RALGPS1: variants seen among roughly 807,000 people sequenced by gnomAD.
RALGPS1 encodes the protein Ral GEF with PH domain and SH3 binding motif 1.
RALGPS1 carries 19 observed loss-of-function variants against 78.8 expected under a neutral mutation model. That is an observed-to-expected ratio of 0.24 (90% CI 0.17 to 0.35). RALGPS1 has a LOEUF of 0.35. RALGPS1 is among the 10% of genes least tolerant of loss of function. The probability of loss-of-function intolerance (pLI) is 1.00; values close to 1 mark genes in which losing one functional copy is unlikely to be tolerated. For missense variants in RALGPS1, 454 were observed against 688.3 expected (o/e 0.66, Z 3.81); for synonymous variants, 228 against 256.3 (o/e 0.89, Z 1.06).
intron 8 of RALGPS1, among the ~76,000 whole-genome samples, chr9:127,149,001 C>T (rs1201914243): frequency 6.6e-6 from 1 of 152,178 alleles, no homozygotes; most frequent in Non-Finnish European, 1.5e-5. Flanking sequence ...TCATATACAC[C>T]TCATTCTGTC....
At chr9:127,016,195 C>G (rs1398468267) in intron 4 of RALGPS1, among the ~76,000 whole-genome samples, 1 of 152,188 alleles carries the variant, frequency 6.6e-6, no homozygotes, top group Non-Finnish European at 1.5e-5. Flanking sequence ...TAGAAGCCCC[C>G]ACCCCTTCCT....
At chr9:126,948,570 A>T (rs531631561) in intron 1 of RALGPS1, among the ~76,000 whole-genome samples, 1 of 146,670 alleles carries the variant, frequency 6.8e-6, no homozygotes, top group Non-Finnish European at 1.5e-5. Context: ...CTCATCCTTG[A>T]AAAGGTTAGG....
At chr9:127,118,627 A>G (rs930253209) in intron 8 of RALGPS1, among the ~76,000 whole-genome samples, 2 of 152,130 alleles carry the variant, frequency 1.3e-5, no homozygotes, top group African/African-American at 4.8e-5. Flanking sequence ...CGGGGACAGC[A>G]CCACCCACCT....
At position 127,220,836 on chromosome 9, in the gene RALGPS1, A is replaced by G. The variant is rs562175580; in HGVS notation, c.*2067A>G. The stretch of plus-strand genomic sequence containing the variant: ...CACCAATGAAGTATTATAGATGCCA[A>G]TCCAAAACCTCAGAATTTCAGGCAC... On this transcript the variant is annotated 3_prime_UTR_variant, in exon 19 of 19. Transcript: ENST00000259351. 4.6e-5 allele frequency: 7 copies of G among 152,698 alleles called. No individual in the cohort carries two copies. The highest frequency in any genetic ancestry group is 9.6e-5 in the African/African-American group (4 of 41,584). The allele number at this position is 152,698 out of a possible 1,614,324, so 9.5% of individuals were successfully genotyped here.
chr9:127,054,075 T>A (rs1193002120), intron 7 of RALGPS1, among the ~76,000 whole-genome samples: 3 of 152,180 alleles, frequency 2.0e-5, no homozygotes, highest in Non-Finnish European at 1.5e-5. Context: ...GCAGGCAGTT[T>A]GGGCACTATT....
chr9:127,069,711 G>A (rs2050026703), intron 8 of RALGPS1: 1 of 168,530 alleles, frequency 5.9e-6, no homozygotes, highest in Non-Finnish European at 1.3e-5. Context: ...CTGGTTCTCT[G>A]GGCATTATTA....
intron 2 of RALGPS1, 133 bp downstream of exon 2, chr9:126,962,479 CT>C (rs1201405937): frequency 5.7e-6 from 5 of 876,920 alleles, no homozygotes; most frequent in Non-Finnish European, 9.0e-6. Context: ...CCTAAGGCCC[CT>C]GGCCATGCCA....
At chr9:127,141,261 A>G (rs2057753427) in intron 8 of RALGPS1, among the ~76,000 whole-genome samples, 2 of 152,184 alleles carry the variant, frequency 1.3e-5, no homozygotes, top group African/African-American at 2.4e-5. Flanking sequence ...GCCGTACAGT[A>G]AGGTGTAAAC....
At chr9:127,050,604 C>T (rs1181481857) in intron 6 of RALGPS1, among the ~76,000 whole-genome samples, 4 of 152,328 alleles carry the variant, frequency 2.6e-5, no homozygotes, top group Admixed American at 2.6e-4. Context: ...AGGTCTGGGC[C>T]AGATGACTCT....
intron 8 of RALGPS1, among the ~76,000 whole-genome samples, chr9:127,074,796 GGC>G (rs1173528240): frequency 6.6e-6 from 1 of 152,214 alleles, no homozygotes; most frequent in Non-Finnish European, 1.5e-5. Flanking sequence ...CAGATGGCCT[GGC>G]TATAAGCCCT....
At chr9:127,198,514 T>C (rs1018396563) in intron 13 of RALGPS1, among the ~76,000 whole-genome samples, 1 of 152,110 alleles carries the variant, frequency 6.6e-6, no homozygotes, top group Non-Finnish European at 1.5e-5. Context: ...ACCCAGCCCC[T>C]CTCTGTGACC....
chr9:127,043,441 T>C (rs982077931), intron 5 of RALGPS1, among the ~76,000 whole-genome samples: 25 of 151,802 alleles, frequency 1.6e-4, no homozygotes, highest in African/African-American at 6.0e-4. Flanking sequence ...ACCTTAGACC[T>C]TTCCTAAAAA....
chr9:127,132,573 A>G (rs577958122), intron 8 of RALGPS1, among the ~76,000 whole-genome samples: 5 of 152,216 alleles, frequency 3.3e-5, no homozygotes, highest in Non-Finnish European at 7.3e-5. Flanking sequence ...TGCTTGACAC[A>G]CACCAGGGGG....
intron 17 of RALGPS1, 68 bp from the exon 18 acceptor site, chr9:127,214,683 T>C: frequency 1.3e-6 from 2 of 1,551,752 alleles, no homozygotes; most frequent in Non-Finnish European, 1.7e-6. Flanking sequence ...ACATTTCTCT[T>C]TATGCCAGTC....
chr9:126,936,133 G>A (rs1187266772), intron 1 of RALGPS1, among the ~76,000 whole-genome samples: 1 of 152,220 alleles, frequency 6.6e-6, no homozygotes, highest in Non-Finnish European at 1.5e-5. Flanking sequence ...CAGTCATCCC[G>A]AGCCTCAGGC....
At chr9:126,952,267 C>T (rs2037894219) in intron 1 of RALGPS1, among the ~76,000 whole-genome samples, 2 of 152,172 alleles carry the variant, frequency 1.3e-5, no homozygotes, top group Admixed American at 1.3e-4. Flanking sequence ...TCAGTGGTGC[C>T]TCCTCAGCTC....
intron 1 of RALGPS1, among the ~76,000 whole-genome samples, chr9:126,955,774 G>A (rs2038283676): frequency 6.6e-6 from 1 of 152,202 alleles, no homozygotes; most frequent in Non-Finnish European, 1.5e-5. Context: ...TCTAGCATGA[G>A]GTAGGGACAC....
chr9:127,208,322 G>C lies in RALGPS1; in HGVS notation c.1248-3809G>C, dbSNP rs539570642. Among the ~76,000 whole-genome samples, 16 of 152,348 alleles carry C rather than the reference G, an allele frequency of 1.1e-4. No homozygotes were observed. The East Asian group carries it at 3.1e-3, about 29-fold the overall frequency. ...GACCCACAAGTAGAGGTGCCTCTGA[G>C]AGGATAATGCCAGAAAGGGCCCCCA... On this transcript the variant is annotated intron_variant, in intron 14 of 18. Coordinates refer to ENST00000259351, the MANE Select transcript of RALGPS1 (RefSeq NM_014636.3).
intron 18 of RALGPS1, chr9:127,217,352 C>CA (rs2131046630): frequency 9.9e-7 from 1 of 1,007,678 alleles, no homozygotes; most frequent in Admixed American, 5.8e-5. Context: ...AAATATTCAA[C>CA]AGCAGAGGAT....
Sources: allele counts gnomAD v4.1 joint callset (sites outside exome capture counted in the v4.1 genomes callset), GRCh38; gene constraint gnomAD v4.1.1; transcripts MANE v1.5; gene names NCBI Gene and HGNC (gene_info 2026-07-23, HGNC 2026-07-21).